EPHB1: variants seen among roughly 807,000 people sequenced by gnomAD.
EPHB1 encodes ephrin type-B receptor 1.
Under a neutral mutation model 94.4 loss-of-function variants are expected in EPHB1, and 30 were observed. That is an observed-to-expected ratio of 0.32 (90% CI 0.24 to 0.43). The LOEUF (loss-of-function observed/expected upper bound fraction) is 0.43, where lower values mean the gene tolerates loss of function less well. EPHB1 is among the 20% of genes least tolerant of loss of function. EPHB1 has a pLI of 1.00. For missense variants in EPHB1, 1,055 were observed against 1,308.3 expected, an observed-to-expected ratio of 0.81 and a Z score of 2.99; for synonymous variants, 522 against 489.1, an observed-to-expected ratio of 1.07 and a Z score of -0.89.
intron 12 of EPHB1, among the ~76,000 whole-genome samples, chr3:135,211,534 A>C (rs552154490): frequency 5.6e-4 from 86 of 152,226 alleles, no homozygotes; most frequent in African/African-American, 2.0e-3. Context: ...TTTTGCATTT[A>C]TTACTGAAAT....
At chr3:135,235,911 G>A (rs1397197336) in intron 12 of EPHB1, among the ~76,000 whole-genome samples, 2 of 152,152 alleles carry the variant, frequency 1.3e-5, no homozygotes. Context: ...GAGGGGCTTT[G>A]ATATAAAGTG....
At chr3:135,195,580 C>G (rs369551139) in intron 11 of EPHB1, among the ~76,000 whole-genome samples, 1 of 149,016 alleles carries the variant, frequency 6.7e-6, no homozygotes, top group African/African-American at 2.5e-5. Flanking sequence ...TGAGAATATG[C>G]GGTGTTTGGT....
At chr3:134,879,761 A>C (rs1030446729) in intron 1 of EPHB1, among the ~76,000 whole-genome samples, 1 of 152,194 alleles carries the variant, frequency 6.6e-6, no homozygotes, top group Non-Finnish European at 1.5e-5. Context: ...ACAGGTCTGT[A>C]GTGTTGCAGA....
intron 13 of EPHB1, among the ~76,000 whole-genome samples, chr3:135,247,821 A>G (rs1050977298): frequency 7.2e-5 from 11 of 152,206 alleles, no homozygotes; most frequent in Admixed American, 2.0e-4. Context: ...GTGCTCCATC[A>G]ATGCTAATCC....
intron 3 of EPHB1, among the ~76,000 whole-genome samples, chr3:135,024,770 CCTAT>C (rs1410838125): frequency 2.6e-5 from 4 of 152,300 alleles, no homozygotes; most frequent in East Asian, 1.9e-4. Flanking sequence ...CCTAACACTT[CCTAT>C]CTGTTTCTTA....
intron 1 of EPHB1, among the ~76,000 whole-genome samples, chr3:134,827,137 T>C (rs1320220769): frequency 2.0e-5 from 3 of 152,236 alleles, no homozygotes; most frequent in Non-Finnish European, 4.4e-5. Flanking sequence ...AGTCAACTCA[T>C]GAATTATTAT....
In EPHB1 at chr3:134,952,024, T is replaced by C. The variant is rs1266650147; in HGVS notation, c.777T>C (p.Tyr259=). Residue 259 remains tyrosine, a synonymous_variant, in exon 3 of 16, where the codon TAT becomes TAC. Transcript: ENST00000398015. Reference sequence around the variant, plus strand: ...GGCGATGCACCTGCAAGCCTGGCTATGAGCCTGAGAACAGCGTGGCATGCA... The same window carrying C: ...GGCGATGCACCTGCAAGCCTGGCTACGAGCCTGAGAACAGCGTGGCATGCA... ...PIGRCTCKPG[Y]EPENSVACKA... The C allele has an allele frequency of 1.2e-6, 2 of 1,612,138 alleles. No homozygotes were observed. Among genetic ancestry groups the C allele is most frequent in the Non-Finnish European group, 1.7e-6 (2 of 1,178,594 alleles).
At chr3:135,245,805 CAAAAAAA>C (rs34702210) in intron 13 of EPHB1, among the ~76,000 whole-genome samples, 16 of 26,774 alleles carry the variant, frequency 6.0e-4, no homozygotes, top group South Asian at 3.6e-3. Flanking sequence ...GACACCATCT[CAAAAAAA>C]AAAAAAAAAA....
intron 3 of EPHB1, among the ~76,000 whole-genome samples, chr3:135,077,937 T>C (rs1258382653): frequency 6.6e-6 from 1 of 152,254 alleles, no homozygotes; most frequent in Non-Finnish European, 1.5e-5. Flanking sequence ...GGAGCCCTTA[T>C]TATGTGGAAG....
intron 15 of EPHB1, among the ~76,000 whole-genome samples, chr3:135,252,919 G>C (rs1362073848): frequency 2.6e-4 from 38 of 147,950 alleles, no homozygotes; most frequent in South Asian, 1.6e-3. Flanking sequence ...TAACTGGTGT[G>C]AGATGGTATG....
chr3:134,866,771 A>G (rs1024937082), intron 1 of EPHB1, among the ~76,000 whole-genome samples: 2 of 152,264 alleles, frequency 1.3e-5, no homozygotes, highest in African/African-American at 4.8e-5. Context: ...AGACAGATCC[A>G]TCTCTCCAGG....
At chr3:135,193,977 C>G (rs1462282833) in intron 11 of EPHB1, among the ~76,000 whole-genome samples, 3 of 152,138 alleles carry the variant, frequency 2.0e-5, no homozygotes, top group African/African-American at 7.2e-5. Flanking sequence ...AAGCCTCTTT[C>G]ATTCATATAT....
At chr3:135,102,993 G>A (rs1469463939) in intron 3 of EPHB1, among the ~76,000 whole-genome samples, 1 of 152,118 alleles carries the variant, frequency 6.6e-6, no homozygotes, top group Non-Finnish European at 1.5e-5. Context: ...GGGGCAAGGG[G>A]AAGGATAGCA....
At chr3:135,016,506 A>C (rs931391888) in intron 3 of EPHB1, among the ~76,000 whole-genome samples, 17 of 152,242 alleles carry the variant, frequency 1.1e-4, no homozygotes, top group African/African-American at 3.6e-4. Flanking sequence ...TAATAATTAC[A>C]ACCACCACCA....
chr3:134,997,705 A>G (rs1269094739), intron 3 of EPHB1, among the ~76,000 whole-genome samples: 1 of 151,970 alleles, frequency 6.6e-6, no homozygotes, highest in African/African-American at 2.4e-5. Context: ...AAACCTGCTT[A>G]TTTTCCTCTC....
chr3:135,079,912 C>T (rs1336783771), intron 3 of EPHB1, among the ~76,000 whole-genome samples: 1 of 152,028 alleles, frequency 6.6e-6, no homozygotes, highest in Non-Finnish European at 1.5e-5. Context: ...ACATGGCCAT[C>T]CCAAGTCCAT....
intron 2 of EPHB1, among the ~76,000 whole-genome samples, chr3:134,929,899 GAGA>G (rs2038872609): frequency 6.6e-6 from 1 of 152,208 alleles, no homozygotes; most frequent in African/African-American, 2.4e-5. Context: ...ACCTAGTATG[GAGA>G]AGATTTTGGA....
At chr3:135,235,378 G>C (rs1336915977) in intron 12 of EPHB1, among the ~76,000 whole-genome samples, 1 of 152,186 alleles carries the variant, frequency 6.6e-6, no homozygotes, top group Non-Finnish European at 1.5e-5. Context: ...CAAATTCTCA[G>C]GCCCTACCCC....
intron 2 of EPHB1, among the ~76,000 whole-genome samples, chr3:134,927,552 C>A (rs778918288): frequency 6.6e-6 from 1 of 152,140 alleles, no homozygotes; most frequent in South Asian, 2.1e-4. Context: ...TAAGAATTTG[C>A]CATCTTTTAC....
Sources: gnomAD v4.1 joint callset for allele counts (sites outside exome capture counted in the v4.1 genomes callset) on GRCh38, gnomAD v4.1.1 for gene constraint, MANE v1.5 for transcripts, NCBI Gene and HGNC (gene_info 2026-07-23, HGNC 2026-07-21) for gene names.